Variants in MTRF1 observed in about 807,000 individuals in gnomAD.
MTRF1 encodes peptide chain release factor 1, mitochondrial.
In MTRF1, 51 loss-of-function variants were observed where a neutral mutation model predicts 62.9. That is an observed-to-expected ratio of 0.81 (90% CI 0.65 to 1.02). MTRF1 has a LOEUF of 1.02. Among genes scored for constraint, MTRF1 ranks in the 50% least tolerant of loss-of-function variants. MTRF1 has a pLI of 0.00. For synonymous variants in MTRF1, 158 were observed against 181.9 expected (o/e 0.87, Z 1.06); for missense variants, 446 against 530.0 (o/e 0.84, Z 1.56).
At chr13:41,282,056 T>G in the MTRF1 span, among the ~76,000 whole-genome samples, 1 of 151,266 alleles carries the variant, frequency 6.6e-6, no homozygotes, top group African/African-American at 2.4e-5. Flanking sequence ...GAGAATCACT[T>G]GAACCCGGGA....
the MTRF1 span, among the ~76,000 whole-genome samples, chr13:41,269,185 G>GTTTTTTTTTTTTTTTGTTTTTTTTTT: frequency 6.2e-5 from 6 of 96,460 alleles, no homozygotes; most frequent in East Asian, 3.0e-4. Context: ...CTTTTACCTT[G>GTTTTTTTTTTTTTTTGTTTTTTTTTT]TTTTTTTTTT....
the MTRF1 span, among the ~76,000 whole-genome samples, chr13:41,310,815 G>A: frequency 6.6e-6 from 1 of 152,076 alleles, no homozygotes; most frequent in African/African-American, 2.4e-5. Context: ...ACTTTGCATC[G>A]GACACTTAAA....
In MTRF1 at chr13:41,259,541, A is replaced by C. The variant is rs111935834; in HGVS notation, c.415+952T>G. Among the ~76,000 whole-genome samples, 810 of 151,986 alleles carry C rather than the reference A, an allele frequency of 5.3e-3. 9 individuals are homozygous for C. Among genetic ancestry groups the C allele is most frequent in the African/African-American group, 0.018 (726 of 41,430 alleles). On this transcript the variant is annotated intron_variant, in intron 2 of 9. Coordinates refer to ENST00000379480, the MANE Select transcript of MTRF1 (RefSeq NM_004294.4). ...ATGGTGAAACCCCGTCTCTACTGAA[A>C]TACAAAAAAAATTAGCTGGGCATGG...
intron 3 of MTRF1, among the ~76,000 whole-genome samples, chr13:41,253,728 A>G (rs571592383): frequency 6.6e-6 from 1 of 152,328 alleles, no homozygotes; most frequent in South Asian, 2.1e-4. Context: ...GAAATGATAT[A>G]GTCTATGGGA....
chr13:41,311,158 G>T, the MTRF1 span: 1 of 354,272 alleles, frequency 2.8e-6, no homozygotes, highest in African/African-American at 2.2e-5. Flanking sequence ...GCAAATCCAC[G>T]CGGTTGGTCC....
chr13:41,276,174 T>C, the MTRF1 span, among the ~76,000 whole-genome samples: 2 of 151,118 alleles, frequency 1.3e-5, no homozygotes, highest in African/African-American at 4.8e-5. Flanking sequence ...ATCTAATCAG[T>C]TCCTTTTTTT....
the MTRF1 span, among the ~76,000 whole-genome samples, chr13:41,307,532 G>A: frequency 2.0e-5 from 3 of 152,018 alleles, no homozygotes; most frequent in Non-Finnish European, 4.4e-5. Flanking sequence ...GCTGAGGCAG[G>A]AGGATTGCTT....
intron 5 of MTRF1, among the ~76,000 whole-genome samples, chr13:41,241,943 C>T (rs975161669): frequency 3.9e-5 from 6 of 152,200 alleles, no homozygotes; most frequent in African/African-American, 1.4e-4. Context: ...GAATGCATCA[C>T]TGGGGTTACA....
the MTRF1 span, among the ~76,000 whole-genome samples, chr13:41,310,943 A>C: frequency 6.6e-6 from 1 of 152,204 alleles, no homozygotes; most frequent in African/African-American, 2.4e-5. Context: ...TTTTCTACTT[A>C]AAAGAAAATT....
chr13:41,239,186 G>T (rs1475828659), intron 6 of MTRF1, among the ~76,000 whole-genome samples: 1 of 151,936 alleles, frequency 6.6e-6, no homozygotes, highest in Admixed American at 6.6e-5. Context: ...GGATCACCTT[G>T]AGCCCAGGAG....
upstream of MTRF1, among the ~76,000 whole-genome samples, chr13:41,268,022 C>T (rs2139250569): frequency 6.6e-6 from 1 of 152,254 alleles, no homozygotes; most frequent in South Asian, 2.1e-4. Flanking sequence ...ATCAGCTATT[C>T]CACTGAAATT....
the MTRF1 span, among the ~76,000 whole-genome samples, chr13:41,306,824 A>T: frequency 6.6e-6 from 1 of 152,174 alleles, no homozygotes; most frequent in African/African-American, 2.4e-5. Flanking sequence ...GGACTTCAGC[A>T]TTTTTCCTGA....
chr13:41,220,497 C>CT lies in MTRF1; in HGVS notation c.1224+2758dup, dbSNP rs1008785981. Reference sequence around the variant, plus strand: ...GTGAAACAATACATTATATGGTAGTCTGTGCTTATTAGCTCGATAAATAAA... The same window carrying CT: ...GTGAAACAATACATTATATGGTAGTCTTGTGCTTATTAGCTCGATAAATAAA... On this transcript the variant is annotated intron_variant, in intron 9 of 9. Transcript: ENST00000379480. 15 of 937,204 alleles carry CT rather than the reference C, an allele frequency of 1.6e-5. 1 individual carries two copies. In the African/African-American group the frequency reaches 2.5e-4, roughly 16 times the overall value. The allele number at this position is 937,204 out of a possible 1,614,324, so 58.1% of individuals were successfully genotyped here.
At chr13:41,273,188 T>C in the MTRF1 span, among the ~76,000 whole-genome samples, 2 of 151,394 alleles carry the variant, frequency 1.3e-5, no homozygotes, top group African/African-American at 2.4e-5. Context: ...TAGCTGGGCG[T>C]GGTGGTGGGC....
chr13:41,241,444 C>T (rs1414693771), intron 5 of MTRF1, among the ~76,000 whole-genome samples: 4 of 152,134 alleles, frequency 2.6e-5, no homozygotes, highest in African/African-American at 9.7e-5. Flanking sequence ...TTAGAGTCCA[C>T]CACTCAGGTC....
the MTRF1 span, among the ~76,000 whole-genome samples, chr13:41,303,537 G>A: frequency 6.6e-6 from 1 of 152,196 alleles, no homozygotes; most frequent in Admixed American, 6.5e-5. Flanking sequence ...CTTGATTGAG[G>A]ACCCAAAGGA....
chr13:41,263,914 C>T (rs2040740656), upstream of MTRF1, among the ~76,000 whole-genome samples: 1 of 152,162 alleles, frequency 6.6e-6, no homozygotes, highest in South Asian at 2.1e-4. Context: ...CTCCAACCCC[C>T]TCCACTCACT....
the MTRF1 span, among the ~76,000 whole-genome samples, chr13:41,268,712 GA>G: frequency 2.0e-5 from 3 of 152,034 alleles, no homozygotes; most frequent in Admixed American, 2.0e-4. Flanking sequence ...AAAGGGGAGA[GA>G]AAACCAAAAA....
intron 7 of MTRF1, among the ~76,000 whole-genome samples, chr13:41,228,948 T>C (rs531781202): frequency 2.0e-5 from 3 of 152,354 alleles, no homozygotes; most frequent in African/African-American, 7.2e-5. Context: ...GGCTGAGTTT[T>C]CCTTGAAGCA....
Sources: allele counts gnomAD v4.1 joint callset (sites outside exome capture counted in the v4.1 genomes callset), GRCh38; gene constraint gnomAD v4.1.1; transcripts MANE v1.5; gene names NCBI Gene and HGNC (gene_info 2026-07-23, HGNC 2026-07-21).